The following NRXN1 variants were observed in gnomAD, a reference collection of about 807,000 sequenced individuals.
NRXN1 encodes neurexin 1.
NRXN1 carries 39 observed loss-of-function variants against 150.9 expected under a neutral mutation model. The observed-to-expected ratio is 0.26, with a 90% CI of 0.20 to 0.34. The LOEUF is 0.34. Among genes scored for constraint, NRXN1 ranks in the 10% least tolerant of loss-of-function variants. The pLI is 1.00. For synonymous variants in NRXN1, 924 were observed against 757.0 expected, an observed-to-expected ratio of 1.22 and a Z score of -3.62; for missense variants, 1,815 against 1,949.9, an observed-to-expected ratio of 0.93 and a Z score of 1.30.
chr2:50,586,863 A>G (rs1203022589), intron 8 of NRXN1, among the ~76,000 whole-genome samples: 1 of 152,186 alleles, frequency 6.6e-6, no homozygotes, highest in Non-Finnish European at 1.5e-5. Flanking sequence ...CTGTTATAGT[A>G]ATTAGCTTTA....
At chr2:50,774,058 C>G (rs200426927) in intron 5 of NRXN1, among the ~76,000 whole-genome samples, 1 of 152,098 alleles carries the variant, frequency 6.6e-6, no homozygotes, top group East Asian at 1.9e-4. Flanking sequence ...ATCAGTATAT[C>G]GAATTGAAAT....
chr2:50,971,460 G>C (rs1215399212), intron 2 of NRXN1, among the ~76,000 whole-genome samples: 2 of 152,014 alleles, frequency 1.3e-5, no homozygotes, highest in East Asian at 3.9e-4. Context: ...GCAGGCACTT[G>C]TAATCCCAGC....
chr2:49,958,431 C>G (rs1675352313), intron 21 of NRXN1, among the ~76,000 whole-genome samples: 1 of 152,108 alleles, frequency 6.6e-6, no homozygotes, highest in African/African-American at 2.4e-5. Context: ...TACAGTCTGT[C>G]TCACTCAATT....
intron 5 of NRXN1, among the ~76,000 whole-genome samples, chr2:50,751,871 G>T (rs1054061477): frequency 2.0e-5 from 3 of 151,878 alleles, no homozygotes; most frequent in African/African-American, 7.3e-5. Flanking sequence ...AAGGGCCCAG[G>T]TCTCCTATTC....
At chr2:50,056,148 G>A (rs1693571377) in intron 19 of NRXN1, among the ~76,000 whole-genome samples, 1 of 151,978 alleles carries the variant, frequency 6.6e-6, no homozygotes, top group Admixed American at 6.6e-5. Context: ...AGGACTCAGA[G>A]GTGAAAGAAA....
At chr2:49,967,482 A>G (rs1282057869) in intron 21 of NRXN1, among the ~76,000 whole-genome samples, 1 of 151,826 alleles carries the variant, frequency 6.6e-6, no homozygotes, top group Non-Finnish European at 1.5e-5. Context: ...ATTCCTCCCC[A>G]CTTTTGTTAC....
intron 17 of NRXN1, among the ~76,000 whole-genome samples, chr2:50,333,724 CAG>C (rs1389584045): frequency 6.6e-6 from 1 of 151,700 alleles, no homozygotes; most frequent in African/African-American, 2.4e-5. Flanking sequence ...GGTCTTTTGG[CAG>C]AGAGTGAGAG....
At chr2:49,938,203 A>G (rs1029143735) in intron 22 of NRXN1, among the ~76,000 whole-genome samples, 2 of 152,326 alleles carry the variant, frequency 1.3e-5, no homozygotes, top group Non-Finnish European at 2.9e-5. Flanking sequence ...TCTAAACTAG[A>G]GAATACACCA....
intron 19 of NRXN1, among the ~76,000 whole-genome samples, chr2:50,065,721 A>G (rs1695257398): frequency 6.6e-6 from 1 of 152,150 alleles, no homozygotes; most frequent in African/African-American, 2.4e-5. Flanking sequence ...CTGGAGGCAT[A>G]AAATGTTCCA....
At chr2:49,969,833 C>G (rs1558606859) in intron 21 of NRXN1, 1 of 152,058 alleles carries the variant, frequency 6.6e-6, no homozygotes, top group Admixed American at 6.6e-5. Context: ...TACTGTTAAG[C>G]CTTCACTGTA....
chr2:50,452,108 G>C (rs1488541650), intron 17 of NRXN1, among the ~76,000 whole-genome samples: 1 of 152,136 alleles, frequency 6.6e-6, no homozygotes, highest in Non-Finnish European at 1.5e-5. Flanking sequence ...ACATAAACAT[G>C]AAAGAAAAAG....
At chr2:49,950,038 A>C (rs1673648247) in intron 21 of NRXN1, among the ~76,000 whole-genome samples, 1 of 151,928 alleles carries the variant, frequency 6.6e-6, no homozygotes, top group African/African-American at 2.4e-5. Flanking sequence ...CAAATTCCCA[A>C]GTAAGGTCCA....
chr2:50,402,770 C>T (rs1053366805), intron 17 of NRXN1, among the ~76,000 whole-genome samples: 1 of 152,080 alleles, frequency 6.6e-6, no homozygotes, highest in Non-Finnish European at 1.5e-5. Context: ...AGGCTTAGCT[C>T]AGCCACTTCT....
intron 18 of NRXN1, among the ~76,000 whole-genome samples, chr2:50,192,960 G>C (rs2061541673): frequency 6.6e-6 from 1 of 152,068 alleles, no homozygotes; most frequent in African/African-American, 2.4e-5. Context: ...TATTTTTAAA[G>C]GGGCATTCTG....
At chr2:50,282,861 T>C (rs2071643442) in intron 17 of NRXN1, among the ~76,000 whole-genome samples, 1 of 152,132 alleles carries the variant, frequency 6.6e-6, no homozygotes, top group South Asian at 2.1e-4. Context: ...GCAATATGTA[T>C]CAATTAACAA....
chr2:50,556,451 G>T (rs1668268410), intron 8 of NRXN1, among the ~76,000 whole-genome samples: 1 of 149,760 alleles, frequency 6.7e-6, no homozygotes, highest in Non-Finnish European at 1.5e-5. Context: ...GATGATATTT[G>T]TGCACACTCA....
At chr2:49,978,590 C>T (rs750639419) in intron 21 of NRXN1, among the ~76,000 whole-genome samples, 7 of 151,804 alleles carry the variant, frequency 4.6e-5, no homozygotes, top group Non-Finnish European at 7.4e-5. Context: ...GACACTGGAG[C>T]AGCTTTAAGC....
chr2:51,031,304 T>C (rs944578323), intron 1 of NRXN1, among the ~76,000 whole-genome samples: 1 of 152,136 alleles, frequency 6.6e-6, no homozygotes, highest in African/African-American at 2.4e-5. Context: ...ATTAATCTTT[T>C]CTTTCATTTC....
chr2:50,172,050 T>C (rs944387173), intron 18 of NRXN1, among the ~76,000 whole-genome samples: 2 of 152,146 alleles, frequency 1.3e-5, no homozygotes, highest in African/African-American at 4.8e-5. Context: ...TACCTATTTA[T>C]CAATAAAAGA....
Sources: allele counts gnomAD v4.1 joint callset (sites outside exome capture counted in the v4.1 genomes callset), GRCh38; gene constraint gnomAD v4.1.1; transcripts MANE v1.5; gene names NCBI Gene and HGNC (gene_info 2026-07-23, HGNC 2026-07-21).